The following MKLN1 variants were observed in gnomAD, a reference collection of about 807,000 sequenced individuals.
The protein encoded by MKLN1 is muskelin 1.
A neutral mutation model predicts 99.0 loss-of-function variants in MKLN1; 18 were observed. The observed-to-expected ratio is 0.18, with a 90% confidence interval of 0.13 to 0.27. The LOEUF is 0.27. Ranked by LOEUF, MKLN1 falls within the 10% of genes least tolerant of loss-of-function variation. MKLN1 has a pLI of 1.00. For missense variants in MKLN1, 621 were observed against 875.9 expected (o/e 0.71, Z 3.67); for synonymous variants, 288 against 293.2 (o/e 0.98, Z 0.18).
chr7:131,480,735 C>G (rs1405419405), intron 17 of MKLN1, among the ~76,000 whole-genome samples: 2 of 152,202 alleles, frequency 1.3e-5, no homozygotes, highest in African/African-American at 4.8e-5. Flanking sequence ...CTTCTGAATT[C>G]TAGCATTTGA....
intron 9 of MKLN1, among the ~76,000 whole-genome samples, chr7:131,430,515 A>G (rs1022897945): frequency 6.6e-6 from 1 of 152,136 alleles, no homozygotes; most frequent in African/African-American, 2.4e-5. Flanking sequence ...AGGCGATGAC[A>G]TCTGTAATTA....
intron 17 of MKLN1, among the ~76,000 whole-genome samples, chr7:131,485,556 T>G (rs1333836305): frequency 6.6e-6 from 1 of 152,068 alleles, no homozygotes; most frequent in Non-Finnish European, 1.5e-5. Context: ...ACCTTTACCT[T>G]GGAGAAACTT....
intron 2 of MKLN1, among the ~76,000 whole-genome samples, chr7:131,172,668 A>G (rs1005820703): frequency 1.3e-5 from 2 of 152,184 alleles, no homozygotes; most frequent in African/African-American, 4.8e-5. Context: ...TAGATAATAG[A>G]AATTGAAATC....
intron 3 of MKLN1, among the ~76,000 whole-genome samples, chr7:131,283,122 G>T (rs1798076136): frequency 6.6e-6 from 1 of 152,166 alleles, no homozygotes; most frequent in African/African-American, 2.4e-5. Context: ...TATGGGGATG[G>T]CTCATTATAC....
rs1052673877 is a variant in MKLN1 at position 131,429,861 on chromosome 7, T to A, written c.960+716T>A. On this transcript the variant is annotated intron_variant, in intron 9 of 17. Coordinates refer to ENST00000352689, the MANE Select transcript of MKLN1 (RefSeq NM_013255.5). The stretch of plus-strand genomic sequence containing the variant: ...TCCCAAAGTACTGGGATTATAGGCG[T>A]GAGCCACTGCGCCTGGCTGATACAT... Among the ~76,000 whole-genome samples, 8 of 152,236 alleles carry A rather than the reference T, an allele frequency of 5.3e-5. No homozygotes were observed. The East Asian group carries it at 1.5e-3, about 29-fold the overall frequency.
intron 4 of MKLN1, among the ~76,000 whole-genome samples, chr7:131,392,402 G>A (rs896703681): frequency 3.3e-5 from 5 of 152,050 alleles, no homozygotes; most frequent in African/African-American, 4.8e-5. Context: ...AGAGCATGTG[G>A]AAAAGTGACA....
chr7:131,302,237 A>C (rs1018185519), intron 3 of MKLN1, among the ~76,000 whole-genome samples: 1 of 152,210 alleles, frequency 6.6e-6, no homozygotes, highest in African/African-American at 2.4e-5. Flanking sequence ...CTCCTCAATA[A>C]CCAGGTGTAC....
intron 16 of MKLN1, among the ~76,000 whole-genome samples, chr7:131,473,458 T>C (rs1483624328): frequency 2.0e-5 from 3 of 152,198 alleles, no homozygotes; most frequent in Non-Finnish European, 4.4e-5. Context: ...AAAAATGTTA[T>C]TGGCTTCCTC....
intron 12 of MKLN1, among the ~76,000 whole-genome samples, chr7:131,455,741 T>C (rs757418988): frequency 3.9e-5 from 6 of 152,188 alleles, no homozygotes; most frequent in African/African-American, 1.4e-4. Flanking sequence ...CCCGCAAATA[T>C]ACCCATTAGA....
intron 3 of MKLN1, among the ~76,000 whole-genome samples, chr7:131,253,241 A>G (rs1359608882): frequency 3.3e-5 from 5 of 152,102 alleles, no homozygotes; most frequent in Non-Finnish European, 7.4e-5. Flanking sequence ...CCCAACCCCA[A>G]CTAGGTCAGT....
At chr7:131,148,509 T>C (rs1795845778) in intron 2 of MKLN1, among the ~76,000 whole-genome samples, 1 of 152,202 alleles carries the variant, frequency 6.6e-6, no homozygotes, top group Non-Finnish European at 1.5e-5. Context: ...ACACGGTGAC[T>C]CATGCCTGTT....
chr7:131,489,090 C>T lies in MKLN1; in HGVS notation c.*1362C>T, dbSNP rs1290311724. On this transcript the variant is annotated 3_prime_UTR_variant, in exon 18 of 18. Transcript: ENST00000352689. ...TCCAGTGGCTCTTAAGAGTGAATAG[C>T]TTTATGGAATCAAGTATGTCCCTGA... The T allele has an allele frequency of 6.6e-6, 1 of 152,064 alleles. No homozygotes were observed. The highest frequency in any genetic ancestry group is 1.5e-5 in the Non-Finnish European group (1 of 67,994). 9.4% of individuals were successfully genotyped at this position (152,064 alleles called of 1,614,324 possible).
intron 15 of MKLN1, among the ~76,000 whole-genome samples, chr7:131,467,622 G>A (rs994149048): frequency 1.3e-5 from 2 of 152,106 alleles, no homozygotes; most frequent in Non-Finnish European, 2.9e-5. Flanking sequence ...GAGAAGAAGT[G>A]TGGTGGAAGT....
chr7:131,431,231 C>CA (rs200619931), intron 9 of MKLN1, among the ~76,000 whole-genome samples: 8,958 of 149,160 alleles, frequency 0.06, 334 homozygotes, highest in East Asian at 0.19. Flanking sequence ...CAAAAAAAAA[C>CA]AAAAAAAAAC....
At chr7:131,409,494 A>C (rs1383844619) in intron 6 of MKLN1, among the ~76,000 whole-genome samples, 2 of 152,222 alleles carry the variant, frequency 1.3e-5, no homozygotes, top group Non-Finnish European at 2.9e-5. Flanking sequence ...CAAAGAAGAA[A>C]GGAAATTTGG....
Position 131,388,958 on chromosome 7 carries a change from G to T in MKLN1, c.386G>T (p.Arg129Leu). 1 of 1,601,304 alleles carries T rather than the reference G, an allele frequency of 6.2e-7. No homozygotes were observed. Among genetic ancestry groups the T allele is most frequent in the South Asian group, 1.1e-5 (1 of 89,476 alleles). ...HKIDEQMFPC[R>L]FIKIVPLLSW... ...ATTGATGAACAGATGTTCCCTTGTCGATTCATTAAAATAGGTAAGATTTTA... is the reference window on the plus strand; with the variant it reads ...ATTGATGAACAGATGTTCCCTTGTCTATTCATTAAAATAGGTAAGATTTTA... The change falls in exon 4 of 18, where the codon CGA (arginine) becomes CTA (leucine). Residue 129 changes from arginine to leucine, a missense_variant. This residue lies in a region of MKLN1 where 361 missense variants were observed against 540.8 expected (regional missense o/e 0.67). Coordinates refer to ENST00000352689, the MANE Select transcript of MKLN1 (RefSeq NM_013255.5).
At chr7:131,254,484 A>C (rs981955419) in intron 3 of MKLN1, among the ~76,000 whole-genome samples, 1 of 152,212 alleles carries the variant, frequency 6.6e-6, no homozygotes, top group Non-Finnish European at 1.5e-5. Context: ...TTAGCAAACA[A>C]TGACTTTAAA....
intron 3 of MKLN1, among the ~76,000 whole-genome samples, chr7:131,210,764 G>GAGGGGGAAGGAGAGGTGGGGAGGGA (rs1243647403): frequency 7.9e-5 from 5 of 63,384 alleles, no homozygotes; most frequent in South Asian, 7.1e-4. Flanking sequence ...GAGGGGAGGG[G>GAGGGGGAAGGAGAGGTGGGGAGGGA]GGAGGGGAGC....
chr7:131,433,833 T>C (rs538732467), intron 9 of MKLN1, among the ~76,000 whole-genome samples: 1 of 152,162 alleles, frequency 6.6e-6, no homozygotes, highest in South Asian at 2.1e-4. Context: ...ATATGATAAA[T>C]CTATATATTA....
Sources: allele counts gnomAD v4.1 joint callset (sites outside exome capture counted in the v4.1 genomes callset), GRCh38; gene constraint gnomAD v4.1.1; regional missense constraint gnomAD v4.1.1; transcripts MANE v1.5; gene names NCBI Gene and HGNC (gene_info 2026-07-23, HGNC 2026-07-21).